Variants in ZNF804A observed in about 807,000 individuals in gnomAD.
The protein encoded by ZNF804A is zinc finger protein 804A.
A neutral mutation model predicts 16.5 loss-of-function variants in ZNF804A; 2 were observed. The ratio of observed to expected loss-of-function variants is 0.12; its 90% CI spans 0.05 to 0.38. The LOEUF is 0.38. Ranked by LOEUF, ZNF804A falls within the 10% of genes least tolerant of loss-of-function variation. The pLI, the probability that ZNF804A is intolerant of heterozygous loss-of-function variation, is 0.99. For missense variants in ZNF804A, 1,473 were observed against 1,390.7 expected, an observed-to-expected ratio of 1.06 and a Z score of -0.94; for synonymous variants, 534 against 489.6, an observed-to-expected ratio of 1.09 and a Z score of -1.20.
chr2:184,925,144 C>G (rs1372027738), intron 2 of ZNF804A, among the ~76,000 whole-genome samples: 1 of 151,932 alleles, frequency 6.6e-6, no homozygotes, highest in African/African-American at 2.4e-5. Flanking sequence ...TAAAGTCTCT[C>G]CAGCTGTTAT....
chr2:184,708,236 A>G (rs1213006188), intron 1 of ZNF804A, among the ~76,000 whole-genome samples: 3 of 152,062 alleles, frequency 2.0e-5, no homozygotes, highest in South Asian at 2.1e-4. Flanking sequence ...TACTTTCCTG[A>G]TAGTTTCTTT....
At chr2:184,861,262 G>A (rs1446704655) in intron 1 of ZNF804A, among the ~76,000 whole-genome samples, 1 of 152,154 alleles carries the variant, frequency 6.6e-6, no homozygotes, top group Non-Finnish European at 1.5e-5. Context: ...TGGTGGAAGG[G>A]TGACATAGGT....
At chr2:184,864,112 A>G (rs972890418) in intron 1 of ZNF804A, among the ~76,000 whole-genome samples, 3 of 152,050 alleles carry the variant, frequency 2.0e-5, no homozygotes, top group Non-Finnish European at 2.9e-5. Flanking sequence ...GGTTTATTTG[A>G]CTCATGGTTC....
intron 1 of ZNF804A, among the ~76,000 whole-genome samples, chr2:184,753,922 T>C (rs1343831318): frequency 2.0e-5 from 3 of 151,940 alleles, no homozygotes; most frequent in Non-Finnish European, 4.4e-5. Context: ...ATTTGAATTT[T>C]AGATAAATAA....
intron 2 of ZNF804A, among the ~76,000 whole-genome samples, chr2:184,919,663 AC>A (rs1685500479): frequency 6.6e-6 from 1 of 152,122 alleles, no homozygotes; most frequent in African/African-American, 2.4e-5. Context: ...CAAGTTTCTA[AC>A]CATCCAGCCA....
intron 2 of ZNF804A, among the ~76,000 whole-genome samples, chr2:184,898,541 T>C (rs1428875120): frequency 1.3e-5 from 2 of 152,056 alleles, no homozygotes; most frequent in African/African-American, 4.8e-5. Flanking sequence ...CTGCAAATTG[T>C]TTACAAAGTA....
intron 1 of ZNF804A, among the ~76,000 whole-genome samples, chr2:184,642,811 A>G (rs532555750): frequency 5.2e-4 from 79 of 152,280 alleles, no homozygotes; most frequent in African/African-American, 1.8e-3. Flanking sequence ...TATTCTCAAC[A>G]ACTATTCCTG....
At chr2:184,661,550 G>T (rs1247166450) in intron 1 of ZNF804A, among the ~76,000 whole-genome samples, 1 of 152,202 alleles carries the variant, frequency 6.6e-6, no homozygotes, top group African/African-American at 2.4e-5. Context: ...CCAGAGGTTT[G>T]TATGGGCTTA....
chr2:184,706,252 C>G (rs974409671), intron 1 of ZNF804A, among the ~76,000 whole-genome samples: 1 of 152,168 alleles, frequency 6.6e-6, no homozygotes, highest in Admixed American at 6.5e-5. Flanking sequence ...TTGTTTGAGG[C>G]TGTCTCAGAA....
intron 1 of ZNF804A, among the ~76,000 whole-genome samples, chr2:184,779,788 T>C (rs903453284): frequency 1.3e-5 from 2 of 151,720 alleles, no homozygotes; most frequent in Admixed American, 1.3e-4. Flanking sequence ...GACACCCTAA[T>C]TTTATCCTGG....
chr2:184,702,417 C>T (rs938930520), intron 1 of ZNF804A, among the ~76,000 whole-genome samples: 3 of 152,032 alleles, frequency 2.0e-5, no homozygotes, highest in Admixed American at 6.5e-5. Flanking sequence ...TTCCTCAAAC[C>T]TAATTCATCA....
At chr2:184,736,631 A>T (rs537437182) in intron 1 of ZNF804A, among the ~76,000 whole-genome samples, 36 of 152,252 alleles carry the variant, frequency 2.4e-4, no homozygotes, top group Admixed American at 2.1e-3. Flanking sequence ...CAATAGATGC[A>T]GCAAACCACC....
At chr2:184,618,240 T>C (rs1691357693) in intron 1 of ZNF804A, among the ~76,000 whole-genome samples, 1 of 152,148 alleles carries the variant, frequency 6.6e-6, no homozygotes, top group South Asian at 2.1e-4. Context: ...TTCATTTCTT[T>C]GTTTTTCTAT....
Position 184,938,143 on chromosome 2 carries a change from C to T in ZNF804A, c.2747C>T (p.Thr916Ile). 1 of 1,614,142 alleles carries T rather than the reference C, an allele frequency of 6.2e-7. No individual in the cohort carries two copies. Among genetic ancestry groups the T allele is most frequent in the Non-Finnish European group, 8.5e-7 (1 of 1,180,026 alleles). The change falls in exon 4 of 4, where the codon ACA (threonine) becomes ATA (isoleucine). Residue 916 changes from threonine to isoleucine, a missense_variant. Coordinates refer to ENST00000302277, the MANE Select transcript of ZNF804A (RefSeq NM_194250.2). ...ELSDVSNDPT[T>I]SVCVASAPTK... ...TCAGATGTTTCCAATGATCCCACCA[C>T]ATCTGTCTGTGTAGCTAGTGCCCCA...
At chr2:184,891,661 T>C (rs1684986563) in intron 2 of ZNF804A, among the ~76,000 whole-genome samples, 1 of 152,206 alleles carries the variant, frequency 6.6e-6, no homozygotes, top group African/African-American at 2.4e-5. Context: ...AGTCCTATGT[T>C]CTTTCTACCT....
intron 1 of ZNF804A, among the ~76,000 whole-genome samples, chr2:184,626,289 A>T (rs1410549711): frequency 6.6e-6 from 1 of 152,130 alleles, no homozygotes; most frequent in Non-Finnish European, 1.5e-5. Flanking sequence ...GTATATTTTC[A>T]GCATTGTGGA....
In ZNF804A at chr2:184,699,520, A is replaced by G. The variant is rs114880779; in HGVS notation, c.111+100450A>G. 3.0e-3 allele frequency among the ~76,000 whole-genome samples: 462 copies of G among 152,186 alleles called. 4 individuals are homozygous for G. Among genetic ancestry groups the G allele is most frequent in the African/African-American group, 0.011 (441 of 41,554 alleles). The stretch of plus-strand genomic sequence containing the variant: ...CTTCATTGTCAATGTGGACTTCAGG[A>G]CTTGAGCCAGCTTTCATATTCACAG... On this transcript the variant is annotated intron_variant, in intron 1 of 3. Transcript: ENST00000302277.
Position 184,683,441 on chromosome 2 carries a change from A to G in ZNF804A, c.111+84371A>G, listed in dbSNP as rs556555854. Among the ~76,000 whole-genome samples, 5 of 152,326 alleles carry G rather than the reference A, an allele frequency of 3.3e-5. No individual in the cohort carries two copies. In the South Asian group the frequency reaches 1.0e-3, roughly 32 times the overall value. On this transcript the variant is annotated intron_variant, in intron 1 of 3. Transcript: ENST00000302277. Reference sequence around the variant, plus strand: ...ACATATTCTTAATGTTGGAGGTCAAATGAATGATAAGCCCAAATGCAAGTG... The same window carrying G: ...ACATATTCTTAATGTTGGAGGTCAAGTGAATGATAAGCCCAAATGCAAGTG...
intron 2 of ZNF804A, among the ~76,000 whole-genome samples, chr2:184,917,513 G>T (rs984502648): frequency 4.6e-5 from 7 of 151,754 alleles, no homozygotes; most frequent in African/African-American, 1.7e-4. Flanking sequence ...GTTACTCATG[G>T]TCAACTGTGT....
Sources: gnomAD v4.1 joint callset for allele counts (sites outside exome capture counted in the v4.1 genomes callset) on GRCh38, gnomAD v4.1.1 for gene constraint, MANE v1.5 for transcripts, NCBI Gene and HGNC (gene_info 2026-07-23, HGNC 2026-07-21) for gene names.